Variants in FAM118A observed in about 807,000 individuals in gnomAD.
FAM118A encodes the protein SIR2 antiphage like 2.
FAM118A carries 25 observed loss-of-function variants against 38.2 expected under a neutral mutation model. The observed-to-expected ratio is 0.65, with a 90% CI of 0.48 to 0.91. FAM118A has a LOEUF of 0.91. Among genes scored for constraint, FAM118A ranks in the 40% least tolerant of loss-of-function variants. The pLI is 0.00. For synonymous variants in FAM118A, 178 were observed against 184.1 expected (o/e 0.97, Z 0.27); for missense variants, 425 against 463.3 (o/e 0.92, Z 0.76).
At chr22:45,330,038 T>G (rs2085593972) in intron 4 of FAM118A, 1 of 152,238 alleles carries the variant, frequency 6.6e-6, no homozygotes, top group South Asian at 2.1e-4. Context: ...CATATGTATA[T>G]TTTTTTCTGG....
In FAM118A at chr22:45,331,645, C is replaced by T. The variant is rs73440477; in HGVS notation, c.652-780C>T. Among the ~76,000 whole-genome samples the T allele has an allele frequency of 2.7e-3, 407 of 152,294 alleles. 1 individual carries two copies. The highest frequency in any genetic ancestry group is 9.2e-3 in the African/African-American group (381 of 41,554). On this transcript the variant is annotated intron_variant, in intron 5 of 8. Coordinates refer to ENST00000441876, the MANE Select transcript of FAM118A (RefSeq NM_017911.4). ...ATTTACCCTCAAGCACACAGCTAGG[C>T]GCCCTGTTCCTCAGTGCTCATCCCT...
At chr22:45,335,891 G>A (rs928107156) in intron 7 of FAM118A, among the ~76,000 whole-genome samples, 2 of 152,206 alleles carry the variant, frequency 1.3e-5, no homozygotes, top group Non-Finnish European at 1.5e-5. Context: ...TGTGCGCTGG[G>A]CACCAGGTGC....
At chr22:45,321,465 G>A (rs1386916462) in intron 1 of FAM118A, 1 of 152,052 alleles carries the variant, frequency 6.6e-6, no homozygotes, top group Non-Finnish European at 1.5e-5. Context: ...AGGCTGGAGT[G>A]GAGTGGTGTG....
rs894121108 is a variant in FAM118A at position 45,325,889 on chromosome 22, G to T, written c.301-1953G>T. ...GGGTCTCAGGGATGCATAGAGCCAG[G>T]TCTCAGGTCGGGGAGAAGGTGAGCA... On this transcript the variant is annotated intron_variant, in intron 3 of 8. Coordinates refer to ENST00000441876, the MANE Select transcript of FAM118A (RefSeq NM_017911.4). Among the ~76,000 whole-genome samples, 13 of 152,138 alleles carry T rather than the reference G, an allele frequency of 8.5e-5. 1 individual carries two copies. The highest frequency in any genetic ancestry group is 1.3e-4 in the Non-Finnish European group (9 of 68,026).
chr22:45,322,077 G>A lies in FAM118A; in HGVS notation c.-9-294G>A, dbSNP rs192543337. ...CAAGAGACAGCGAAAACCCCAGCTC[G>A]GAGCCCACAGAGCCCATCCTTCATC... On this transcript the variant is annotated intron_variant, in intron 1 of 8. Transcript: ENST00000441876. 4.0e-4 allele frequency: 318 copies of A among 800,716 alleles called. 1 individual carries two copies. Among genetic ancestry groups the A allele is most frequent in the Admixed American group, 2.3e-3 (68 of 29,548 alleles). 49.6% of individuals were successfully genotyped at this position (800,716 alleles called of 1,614,324 possible). A position where few individuals can be genotyped will look rare whatever the true frequency, so the allele number is the denominator to read the frequency against.
Position 45,314,052 on chromosome 22 carries a change from G to A in FAM118A, c.-10+3869G>A, listed in dbSNP as rs549847029. Among the ~76,000 whole-genome samples the A allele has an allele frequency of 1.1e-4, 16 of 152,188 alleles. 1 individual carries two copies. In the South Asian group the frequency reaches 3.3e-3, roughly 32 times the overall value. ...GGCTCAGGAATGAGTCCTTGCCCAGGTAGTAAGGAGTTCAGCCAGTACTGA... is the reference window on the plus strand; with the variant it reads ...GGCTCAGGAATGAGTCCTTGCCCAGATAGTAAGGAGTTCAGCCAGTACTGA... On this transcript the variant is annotated intron_variant, in intron 1 of 8. Coordinates refer to ENST00000441876, the MANE Select transcript of FAM118A (RefSeq NM_017911.4).
chr22:45,337,250 G>C (rs1007696737), intron 8 of FAM118A, among the ~76,000 whole-genome samples: 1 of 152,246 alleles, frequency 6.6e-6, no homozygotes, highest in Non-Finnish European at 1.5e-5. Flanking sequence ...CCCCCAGTCT[G>C]TCTGTAGGTT....
At chr22:45,323,070 T>TGC (rs950529261) in intron 2 of FAM118A, 105 bp from the exon 3 acceptor site, 1 of 1,171,638 alleles carries the variant, frequency 8.5e-7, no homozygotes, top group Non-Finnish European at 1.2e-6. Flanking sequence ...TGTGTGTGTG[T>TGC]GTGTGTACAC....
intron 4 of FAM118A, chr22:45,329,199 G>A (rs1192868866): frequency 6.6e-6 from 1 of 152,154 alleles, no homozygotes; most frequent in Non-Finnish European, 1.5e-5. Context: ...AACACTACAG[G>A]GTCCTCATAC....
chr22:45,317,455 G>A (rs913162079), intron 1 of FAM118A, among the ~76,000 whole-genome samples: 1 of 152,226 alleles, frequency 6.6e-6, no homozygotes, highest in Non-Finnish European at 1.5e-5. Flanking sequence ...TTGATGGTTT[G>A]TGCTTGTTAA....
chr22:45,318,080 A>G (rs905353663), intron 1 of FAM118A, among the ~76,000 whole-genome samples: 2 of 152,178 alleles, frequency 1.3e-5, no homozygotes, highest in African/African-American at 2.4e-5. Context: ...TGTATTTTGC[A>G]TTGAACTCCG....
chr22:45,324,682 C>T (rs1232932606), intron 3 of FAM118A, among the ~76,000 whole-genome samples: 4 of 152,208 alleles, frequency 2.6e-5, no homozygotes, highest in Non-Finnish European at 4.4e-5. Context: ...TAGTACGTGG[C>T]TGCTTTCATG....
chr22:45,325,880 T>C (rs554610017), intron 3 of FAM118A, among the ~76,000 whole-genome samples: 4 of 152,078 alleles, frequency 2.6e-5, no homozygotes, highest in East Asian at 1.9e-4. Flanking sequence ...CAGGGATGCA[T>C]AGAGCCAGGT....
chr22:45,338,724 T>A (rs763085647), intron 8 of FAM118A, among the ~76,000 whole-genome samples: 3 of 152,220 alleles, frequency 2.0e-5, no homozygotes, highest in Non-Finnish European at 4.4e-5. Flanking sequence ...TAAATACCTA[T>A]ATAGCAGTCC....
chr22:45,316,425 G>T (rs1269805056), intron 1 of FAM118A, among the ~76,000 whole-genome samples: 1 of 152,144 alleles, frequency 6.6e-6, no homozygotes, highest in Non-Finnish European at 1.5e-5. Flanking sequence ...AAGTTTGTGG[G>T]AATCACATCT....
rs2146735276 is a variant in FAM118A, at chr22:45,340,653, C to T, written c.*248C>T. ...TGCAAGGACTGATGGATAGCTACCT[C>T]AGGGACCAGAATCCGTGGGAAGGGA... On this transcript the variant is annotated 3_prime_UTR_variant, in exon 9 of 9. Transcript: ENST00000441876. 1.8e-6 allele frequency: 1 copy of T among 546,244 alleles called. No homozygotes were observed. The highest frequency in any genetic ancestry group is 2.9e-5 in the East Asian group (1 of 34,644). The allele number at this position is 546,244 out of a possible 1,614,324, so 33.8% of individuals were successfully genotyped here.
rs2086452866 is a variant in FAM118A, at chr22:45,341,530, T to C, written c.*1125T>C. On this transcript the variant is annotated 3_prime_UTR_variant, in exon 9 of 9. Transcript: ENST00000441876. ...TTCCATGGCCCACATTAAGGGAGTT[T>C]GCAGAGAGTGAGGGAGGCAAAACTT... 1 of 152,238 alleles carries C rather than the reference T, an allele frequency of 6.6e-6. No individual in the cohort carries two copies. The highest frequency in any genetic ancestry group is 6.5e-5 in the Admixed American group (1 of 15,282). 9.4% of individuals were successfully genotyped at this position (152,238 alleles called of 1,614,324 possible). A position where few individuals can be genotyped will look rare whatever the true frequency, so the allele number is the denominator to read the frequency against.
chr22:45,324,471 C>G (rs1053268757), intron 3 of FAM118A, among the ~76,000 whole-genome samples: 11 of 152,228 alleles, frequency 7.2e-5, no homozygotes, highest in African/African-American at 2.7e-4. Flanking sequence ...GCTTCTGTTT[C>G]ATCTCATTGG....
At chr22:45,317,528 A>G (rs778012867) in intron 1 of FAM118A, among the ~76,000 whole-genome samples, 1 of 152,158 alleles carries the variant, frequency 6.6e-6, no homozygotes, top group Admixed American at 6.5e-5. Context: ...ACCACTTTTA[A>G]TCATTACAGT....
Sources: allele counts gnomAD v4.1 joint callset (sites outside exome capture counted in the v4.1 genomes callset), GRCh38; gene constraint gnomAD v4.1.1; transcripts MANE v1.5; gene names NCBI Gene and HGNC (gene_info 2026-07-23, HGNC 2026-07-21).